The following BCAS3 variants were observed in gnomAD, a reference collection of about 807,000 sequenced individuals.
BCAS3 encodes BCAS3 microtubule associated cell migration factor.
BCAS3 carries 53 observed loss-of-function variants against 116.1 expected under a neutral mutation model. The ratio of observed to expected loss-of-function variants is 0.46; its 90% CI spans 0.37 to 0.57. BCAS3 has a LOEUF of 0.57. Ranked by LOEUF, BCAS3 falls within the 20% of genes least tolerant of loss-of-function variation. The pLI, the probability that BCAS3 is intolerant of heterozygous loss-of-function variation, is 0.00. For missense variants in BCAS3, 917 were observed against 1,165.4 expected (o/e 0.79, Z 3.10); for synonymous variants, 391 against 408.2 (o/e 0.96, Z 0.51).
chr17:60,892,003 T>C (rs1324691139), intron 10 of BCAS3, among the ~76,000 whole-genome samples: 1 of 152,240 alleles, frequency 6.6e-6, no homozygotes, highest in Non-Finnish European at 1.5e-5. Context: ...GGTTGCAAAG[T>C]ATTCCATGGT....
intron 6 of BCAS3, among the ~76,000 whole-genome samples, chr17:60,792,128 CA>C (rs2046823053): frequency 1.3e-5 from 2 of 151,926 alleles, no homozygotes; most frequent in African/African-American, 4.8e-5. Flanking sequence ...ATCTCAAAAA[CA>C]AAAAACAAAC....
At chr17:60,889,799 T>G in intron 10 of BCAS3, 28 bp downstream of exon 10, 1 of 1,575,870 alleles carries the variant, frequency 6.3e-7, no homozygotes, top group Non-Finnish European at 8.7e-7. Flanking sequence ...TTTGGATTAT[T>G]TGTAATGGAG....
chr17:60,846,791 C>T (rs1355007614), intron 7 of BCAS3, among the ~76,000 whole-genome samples: 1 of 151,966 alleles, frequency 6.6e-6, no homozygotes, highest in East Asian at 1.9e-4. Flanking sequence ...TCCTTCTTCC[C>T]TCCCTCCCTC....
In BCAS3 at chr17:61,349,895, G is replaced by A. The variant is rs568092819; in HGVS notation, c.2426-18432G>A. Among the ~76,000 whole-genome samples, 23 of 152,224 alleles carry A rather than the reference G, an allele frequency of 1.5e-4. No individual in the cohort carries two copies. Among genetic ancestry groups the A allele is most frequent in the Non-Finnish European group, 2.4e-4 (16 of 68,042 alleles). ...AGTTCAGAAGGCCAGTGCCCTTTGT[G>A]TGAAATTGCAAATTTGTGAAATTCA... On this transcript the variant is annotated intron_variant, in intron 22 of 23. Transcript: ENST00000407086. This position sits in a 1 kb window ranked among gnomAD's most constrained non-coding sequence, Gnocchi z 4.7.
intron 4 of BCAS3, among the ~76,000 whole-genome samples, chr17:60,705,880 A>C (rs1411271164): frequency 6.6e-6 from 1 of 152,112 alleles, no homozygotes; most frequent in Non-Finnish European, 1.5e-5. Context: ...TTTTTAGAGA[A>C]ATTTGCAAAA....
intron 6 of BCAS3, among the ~76,000 whole-genome samples, chr17:60,770,544 G>T (rs1302882814): frequency 6.7e-6 from 1 of 148,346 alleles, no homozygotes; most frequent in Non-Finnish European, 1.5e-5. Flanking sequence ...TCAGCCTCCC[G>T]AGTAGCTGGG....
At chr17:60,820,028 GA>G (rs2049791989) in intron 7 of BCAS3, among the ~76,000 whole-genome samples, 1 of 152,076 alleles carries the variant, frequency 6.6e-6, no homozygotes, top group Admixed American at 6.6e-5. Context: ...CTGGTGGATG[GA>G]TTTAGCCTAT....
intron 19 of BCAS3, among the ~76,000 whole-genome samples, chr17:61,072,420 G>A (rs1443791931): frequency 6.6e-6 from 1 of 151,992 alleles, no homozygotes; most frequent in East Asian, 1.9e-4. Flanking sequence ...CTATTTTGAT[G>A]ATGGATAAAT....
intron 2 of BCAS3, among the ~76,000 whole-genome samples, chr17:60,680,270 GTAAAATGTATCTCTTT>G (rs1244552216): frequency 2.0e-5 from 3 of 152,074 alleles, no homozygotes; most frequent in African/African-American, 7.2e-5. Context: ...AGACAGTGAT[GTAAAATGTATCTCTTT>G]TAACTTTTAA....
intron 22 of BCAS3, among the ~76,000 whole-genome samples, chr17:61,091,661 T>G (rs952830373): frequency 6.6e-6 from 1 of 152,204 alleles, no homozygotes; most frequent in African/African-American, 2.4e-5. Context: ...GCTTCTGATA[T>G]TCCCTCTGGA....
chr17:60,741,160 GT>G (rs745872741), intron 5 of BCAS3, among the ~76,000 whole-genome samples: 5 of 152,130 alleles, frequency 3.3e-5, no homozygotes, highest in Non-Finnish European at 7.3e-5. Flanking sequence ...GTATCTGCCT[GT>G]TTGTCTCTCC....
intron 5 of BCAS3, among the ~76,000 whole-genome samples, chr17:60,732,508 C>T (rs1035161367): frequency 1.3e-5 from 2 of 152,102 alleles, no homozygotes; most frequent in African/African-American, 2.4e-5. Flanking sequence ...TAGTTCTTTT[C>T]TCCAAGGCTA....
At chr17:60,878,965 G>C (rs2055869345) in intron 9 of BCAS3, among the ~76,000 whole-genome samples, 1 of 152,110 alleles carries the variant, frequency 6.6e-6, no homozygotes, top group Non-Finnish European at 1.5e-5. Flanking sequence ...TTTTCCTCCA[G>C]TTTCTCCCCT....
At position 60,967,179 on chromosome 17, in the gene BCAS3, T is replaced by C. The variant is rs932078622; in HGVS notation, c.1221+19827T>C. ...AAAGCTTTCTTTTAGCACATCAGAG[T>C]TTTCTTGGTTCAGATTGAATTATTC... On this transcript the variant is annotated intron_variant, in intron 14 of 23. Transcript: ENST00000407086. The surrounding 1 kb of genome is among the most constrained non-coding windows in gnomAD (Gnocchi z 4.7). Among the ~76,000 whole-genome samples, 1 of 152,126 alleles carries C rather than the reference T, an allele frequency of 6.6e-6. No individual in the cohort carries two copies. The highest frequency in any genetic ancestry group is 1.5e-5 in the Non-Finnish European group (1 of 68,026).
At chr17:61,328,968 C>G (rs1445449849) in intron 22 of BCAS3, among the ~76,000 whole-genome samples, 1 of 147,182 alleles carries the variant, frequency 6.8e-6, no homozygotes, top group Non-Finnish European at 1.5e-5. Context: ...AATCTCAGCT[C>G]ACCGCAACCT....
intron 19 of BCAS3, chr17:61,069,927 G>A (rs773994408): frequency 2.1e-5 from 32 of 1,545,246 alleles, no homozygotes; most frequent in South Asian, 7.8e-5. Context: ...AAGCCAAAGC[G>A]AAGGCTTTAA....
chr17:61,102,453 C>CA (rs1427105797), intron 22 of BCAS3, among the ~76,000 whole-genome samples: 2 of 152,096 alleles, frequency 1.3e-5, no homozygotes, highest in East Asian at 3.9e-4. Flanking sequence ...CCTGTATTCA[C>CA]AAAATATTAT....
In BCAS3 at chr17:61,312,531, T is replaced by A. The variant is rs183707879; in HGVS notation, c.2426-55796T>A. 3.9e-5 allele frequency among the ~76,000 whole-genome samples: 6 copies of A among 152,346 alleles called. 1 individual carries two copies. The highest frequency in any genetic ancestry group is 2.6e-4 in the Admixed American group (4 of 15,312). ...TTTTCTTTAACAGCAGACGTTCATG[T>A]CTTCTTGCTCCAACTTTTTTTTCTT... On this transcript the variant is annotated intron_variant, in intron 22 of 23. Coordinates refer to ENST00000407086, the MANE Select transcript of BCAS3 (RefSeq NM_017679.5).
chr17:61,338,484 A>G (rs1440222195), intron 22 of BCAS3, among the ~76,000 whole-genome samples: 3 of 148,054 alleles, frequency 2.0e-5, no homozygotes, highest in South Asian at 2.3e-4. Flanking sequence ...TTGTGTTTGA[A>G]GTATCTTTGT....
Sources: gnomAD v4.1 joint callset for allele counts (sites outside exome capture counted in the v4.1 genomes callset) on GRCh38, gnomAD v4.1.1 for gene constraint, Gnocchi (gnomAD v3.1) non-coding constraint, MANE v1.5 for transcripts, NCBI Gene and HGNC (gene_info 2026-07-23, HGNC 2026-07-21) for gene names.